Variants in LTBP1 observed in about 807,000 individuals in gnomAD.
LTBP1 encodes the protein latent transforming growth factor beta binding protein 1.
A neutral mutation model predicts 207.6 loss-of-function variants in LTBP1; 129 were observed. The ratio of observed to expected loss-of-function variants is 0.62; its 90% confidence interval spans 0.54 to 0.72. LTBP1 has a LOEUF of 0.72. Among genes scored for constraint, LTBP1 ranks in the 30% least tolerant of loss-of-function variants. The pLI is 0.00. For missense variants in LTBP1, 2,281 were observed against 2,217.2 expected, an observed-to-expected ratio of 1.03 and a Z score of -0.58; for synonymous variants, 963 against 833.7, an observed-to-expected ratio of 1.16 and a Z score of -2.67.
At chr2:33,160,730 G>T (rs1450686078) in intron 5 of LTBP1, among the ~76,000 whole-genome samples, 1 of 152,136 alleles carries the variant, frequency 6.6e-6, no homozygotes, top group Non-Finnish European at 1.5e-5. Flanking sequence ...ATTATTACTG[G>T]TCATTGTGGT....
intron 2 of LTBP1, among the ~76,000 whole-genome samples, chr2:32,951,499 A>G (rs891289156): frequency 1.3e-5 from 2 of 152,188 alleles, no homozygotes; most frequent in Admixed American, 1.3e-4. Context: ...GCTCCTGCTG[A>G]TGCTATAAAC....
chr2:33,220,447 T>TAAAA (rs2091028109), intron 8 of LTBP1, among the ~76,000 whole-genome samples: 1 of 152,246 alleles, frequency 6.6e-6, no homozygotes, highest in African/African-American at 2.4e-5. Flanking sequence ...TGATCATTTT[T>TAAAA]TTTGCTGTGA....
chr2:33,225,471 C>T (rs2091379856), intron 9 of LTBP1, among the ~76,000 whole-genome samples: 1 of 152,186 alleles, frequency 6.6e-6, no homozygotes, highest in South Asian at 2.1e-4. Context: ...CAAGGAGGAT[C>T]AAGTCACATC....
intron 5 of LTBP1, among the ~76,000 whole-genome samples, chr2:33,172,263 C>T (rs1655888160): frequency 1.3e-5 from 2 of 152,166 alleles, no homozygotes; most frequent in South Asian, 4.1e-4. Context: ...AAACCCATCT[C>T]ACGTGCAGAG....
chr2:33,291,954 C>T (rs1244283313), intron 19 of LTBP1, among the ~76,000 whole-genome samples: 1 of 152,120 alleles, frequency 6.6e-6, no homozygotes, highest in Non-Finnish European at 1.5e-5. Flanking sequence ...GTCTTTTCCT[C>T]CTTGTTTGCC....
chr2:33,136,966 A>G (rs1436521722), intron 5 of LTBP1, among the ~76,000 whole-genome samples: 1 of 152,218 alleles, frequency 6.6e-6, no homozygotes, highest in East Asian at 1.9e-4. Flanking sequence ...CCATAGTAAT[A>G]AATAGTTTCA....
chr2:32,988,942 T>C (rs1043757704), intron 2 of LTBP1, among the ~76,000 whole-genome samples: 1 of 152,240 alleles, frequency 6.6e-6, no homozygotes, highest in Non-Finnish European at 1.5e-5. Context: ...CTCTTTTTTT[T>C]TCTATTTCTC....
chr2:33,277,770 TTTC>T (rs1302049337), intron 18 of LTBP1, among the ~76,000 whole-genome samples: 61 of 49,710 alleles, frequency 1.2e-3, no homozygotes, highest in African/African-American at 3.9e-3. Flanking sequence ...CCTTTCTTTC[TTTC>T]TTTCTTTCTT....
At chr2:33,075,556 T>C (rs62133287) in intron 3 of LTBP1, among the ~76,000 whole-genome samples, 9,235 of 152,326 alleles carry the variant, frequency 0.061, 345 homozygotes, top group Non-Finnish European at 0.083. Flanking sequence ...GCTGGAATTA[T>C]GTTTGTAAAA....
chr2:33,111,945 T>C (rs2080434120), intron 4 of LTBP1, among the ~76,000 whole-genome samples: 1 of 152,236 alleles, frequency 6.6e-6, no homozygotes, highest in Admixed American at 6.5e-5. Flanking sequence ...TCCTTTGATA[T>C]TCGTACTTAA....
chr2:33,368,776 T>A (rs187652671), intron 31 of LTBP1, among the ~76,000 whole-genome samples: 1 of 151,090 alleles, frequency 6.6e-6, no homozygotes, highest in African/African-American at 2.4e-5. Context: ...ACTTGGGAGG[T>A]TGAGGTGGGA....
Position 33,202,206 on chromosome 2 carries a change from T to A in LTBP1, c.1701+13355T>A, listed in dbSNP as rs187517700. Among the ~76,000 whole-genome samples, 255 of 152,276 alleles carry A rather than the reference T, an allele frequency of 1.7e-3. 1 individual carries two copies. Among genetic ancestry groups the A allele is most frequent in the African/African-American group, 5.6e-3 (234 of 41,554 alleles). ...TTGCATGGCTGAAATTACTTTTTTT[T>A]AAAAGAGTTTCAATACTTTTGTCAC... On this transcript the variant is annotated intron_variant, in intron 7 of 33. Transcript: ENST00000404816.
intron 7 of LTBP1, among the ~76,000 whole-genome samples, chr2:33,205,200 C>T (rs1324322840): frequency 6.6e-6 from 1 of 152,244 alleles, no homozygotes; most frequent in Non-Finnish European, 1.5e-5. Flanking sequence ...ATCAGTTTCT[C>T]TGAAAAGCTT....
At chr2:33,213,079 T>C (rs1046509472) in intron 7 of LTBP1, among the ~76,000 whole-genome samples, 3 of 152,112 alleles carry the variant, frequency 2.0e-5, no homozygotes, top group Non-Finnish European at 2.9e-5. Context: ...GCCAGAACTT[T>C]CATTTCTCTG....
intron 3 of LTBP1, among the ~76,000 whole-genome samples, chr2:33,092,028 G>T (rs189082008): frequency 1.5e-3 from 226 of 152,254 alleles, no homozygotes; most frequent in African/African-American, 5.0e-3. Flanking sequence ...TACATCTTGA[G>T]TTTTTCATCT....
At position 33,017,980 on chromosome 2, in the gene LTBP1, A is replaced by G. The variant is rs978932384; in HGVS notation, c.566-2929A>G. 3.9e-5 allele frequency among the ~76,000 whole-genome samples: 6 copies of G among 152,102 alleles called. No individual in the cohort carries two copies. In the East Asian group the frequency reaches 1.2e-3, roughly 29 times the overall value. ...CAGCCCCTCCTCATCTCCGTGCTCTAGGGGGCACCTGTCTGAGTCTAGGTA... is the reference window on the plus strand; with the variant it reads ...CAGCCCCTCCTCATCTCCGTGCTCTGGGGGGCACCTGTCTGAGTCTAGGTA... On this transcript the variant is annotated intron_variant, in intron 2 of 33. Transcript: ENST00000404816.
chr2:32,964,538 A>C (rs980456470), intron 2 of LTBP1, among the ~76,000 whole-genome samples: 1 of 152,110 alleles, frequency 6.6e-6, no homozygotes, highest in Non-Finnish European at 1.5e-5. Context: ...TTAAAAGTAA[A>C]TAGATTTTTT....
chr2:33,186,428 TTACCAGGCCATACACAC>T (rs1334967237), intron 5 of LTBP1, among the ~76,000 whole-genome samples: 1 of 152,148 alleles, frequency 6.6e-6, no homozygotes, highest in Non-Finnish European at 1.5e-5. Context: ...GATGTTAAGG[TTACCAGGCCATACACAC>T]TACCAGGCCA....
chr2:33,363,435 G>C lies in LTBP1; in HGVS notation c.4316G>C (p.Gly1439Ala), dbSNP rs1364734092. 1.2e-6 allele frequency: 2 copies of C among 1,613,876 alleles called. No homozygotes were observed. The highest frequency in any genetic ancestry group is 1.1e-5 in the South Asian group (1 of 91,066). Residue 1439 changes from glycine to alanine, a missense_variant, in exon 29 of 34, where the codon GGT becomes GCT. Transcript: ENST00000404816. Reference sequence around the variant, plus strand: ...TTTGGACAAGAAATCTGCAAAAATGGTTTCTGTTTGAACACTCGGCCTGGG... The same window carrying C: ...TTTGGACAAGAAATCTGCAAAAATGCTTTCTGTTTGAACACTCGGCCTGGG... ...LLFGQEICKNGFCLNTRPGYE... is the reference protein window; with the variant it reads ...LLFGQEICKNAFCLNTRPGYE...
Sources: allele counts gnomAD v4.1 joint callset (sites outside exome capture counted in the v4.1 genomes callset), GRCh38; gene constraint gnomAD v4.1.1; transcripts MANE v1.5; gene names NCBI Gene and HGNC (gene_info 2026-07-23, HGNC 2026-07-21).